Variants in ERAP1 observed in about 807,000 individuals in gnomAD.
ERAP1 encodes endoplasmic reticulum aminopeptidase 1.
A neutral mutation model predicts 103.7 loss-of-function variants in ERAP1; 86 were observed. The ratio of observed to expected loss-of-function variants is 0.83; its 90% CI spans 0.70 to 0.99. ERAP1 has a LOEUF of 0.99. Ranked by LOEUF, ERAP1 falls within the 50% of genes least tolerant of loss-of-function variation. ERAP1 has a pLI of 0.00. For missense variants in ERAP1, 1,009 were observed against 1,128.4 expected (o/e 0.89, Z 1.52); for synonymous variants, 398 against 402.4 (o/e 0.99, Z 0.13).
chr5:96,815,409 T>TA, the ERAP1 span, among the ~76,000 whole-genome samples: 6 of 108,894 alleles, frequency 5.5e-5, no homozygotes, highest in Admixed American at 3.5e-4. Flanking sequence ...TTTGTTTTGT[T>TA]TTTTATTTTT....
chr5:96,765,327 TAAAAAAAA>T (rs59338324), intron 19 of ERAP1: 424 of 511,646 alleles, frequency 8.3e-4, no homozygotes, highest in Admixed American at 2.2e-3. Context: ...AAAGTAAAGG[TAAAAAAAA>T]AAAAAAAAAA....
the ERAP1 span, chr5:96,881,484 A>G: frequency 2.2e-6 from 1 of 456,190 alleles, no homozygotes. Flanking sequence ...CTGGGAGGTA[A>G]GAGGAGTCTG....
chr5:96,801,854 CAAAAAAAAAA>C (rs59332218), intron 2 of ERAP1, among the ~76,000 whole-genome samples: 3 of 54,692 alleles, frequency 5.5e-5, no homozygotes, highest in Non-Finnish European at 8.7e-5. Flanking sequence ...TCCGTCTCGA[CAAAAAAAAAA>C]AAAAAAAAAA....
At chr5:96,869,189 G>A in the ERAP1 span, among the ~76,000 whole-genome samples, 1 of 151,844 alleles carries the variant, frequency 6.6e-6, no homozygotes, top group Non-Finnish European at 1.5e-5. Flanking sequence ...GCTTTGCTCT[G>A]AAGATAGAGT....
the ERAP1 span, among the ~76,000 whole-genome samples, chr5:96,842,297 G>A: frequency 6.6e-6 from 1 of 152,084 alleles, no homozygotes; most frequent in Non-Finnish European, 1.5e-5. Flanking sequence ...TTCTGAATAG[G>A]TACCCAGTAG....
intron 3 of ERAP1, among the ~76,000 whole-genome samples, chr5:96,800,590 C>T (rs1777870937): frequency 6.6e-6 from 1 of 152,146 alleles, no homozygotes; most frequent in African/African-American, 2.4e-5. Flanking sequence ...TTAAACCTGA[C>T]CTGAATTTCT....
At chr5:96,762,417 C>A in exon 20 of ERAP1, 1 of 1,393,322 alleles carries the variant, frequency 7.2e-7, no homozygotes. Flanking sequence ...TTTGCGCAGC[C>A]ACAACTAGAA....
At chr5:96,908,495 A>G in the ERAP1 span, among the ~76,000 whole-genome samples, 2 of 152,188 alleles carry the variant, frequency 1.3e-5, no homozygotes, top group Non-Finnish European at 2.9e-5. Flanking sequence ...TCAAAGAAAA[A>G]CAAGACATGG....
At chr5:96,784,132 A>C (rs771814883) in intron 13 of ERAP1, 52 bp from the exon 14 acceptor site, 2 of 1,575,908 alleles carry the variant, frequency 1.3e-6, no homozygotes, top group Admixed American at 1.7e-5. Flanking sequence ...CGGGAAGTCA[A>C]CTTTTTGCTT....
chr5:96,899,874 T>C, the ERAP1 span, among the ~76,000 whole-genome samples: 1 of 152,212 alleles, frequency 6.6e-6, no homozygotes, highest in South Asian at 2.1e-4. Flanking sequence ...GAACGGTTAA[T>C]GACTTTATTG....
chr5:96,918,763 A>T, the ERAP1 span: 1 of 152,208 alleles, frequency 6.6e-6, no homozygotes, highest in Non-Finnish European at 1.5e-5. Flanking sequence ...AATCTTTTGA[A>T]ATTTGCAGAA....
At chr5:96,833,062 T>C in the ERAP1 span, among the ~76,000 whole-genome samples, 9 of 152,246 alleles carry the variant, frequency 5.9e-5, no homozygotes, top group Non-Finnish European at 1.2e-4. Context: ...TCAGCCATGC[T>C]GATGCCTTAA....
chr5:96,894,061 T>A, the ERAP1 span, among the ~76,000 whole-genome samples: 3 of 152,208 alleles, frequency 2.0e-5, no homozygotes, highest in Non-Finnish European at 4.4e-5. Flanking sequence ...TAGCACCTGC[T>A]TTACTGTATT....
At chr5:96,822,276 T>C in the ERAP1 span, among the ~76,000 whole-genome samples, 1 of 152,214 alleles carries the variant, frequency 6.6e-6, no homozygotes, top group Non-Finnish European at 1.5e-5. Context: ...AATTTGTTTT[T>C]TGTATTGTCG....
At chr5:96,809,302 G>A (rs1779006445), upstream of ERAP1, among the ~76,000 whole-genome samples, 1 of 152,122 alleles carries the variant, frequency 6.6e-6, no homozygotes. Flanking sequence ...AGCCCAGTAG[G>A]TCTCAGCCTT....
chr5:96,805,665 T>A (rs1778521565), intron 1 of ERAP1: 1 of 152,172 alleles, frequency 6.6e-6, no homozygotes, highest in Non-Finnish European at 1.5e-5. Context: ...AGACAGGAAG[T>A]GTGAACAGGG....
At chr5:96,804,344 C>T in intron 1 of ERAP1, 1 of 316,992 alleles carries the variant, frequency 3.2e-6, no homozygotes. Flanking sequence ...GAAGCAAAAC[C>T]AGAACCATAT....
downstream of ERAP1, chr5:96,770,473 G>A (rs1022252651): frequency 9.4e-7 from 1 of 1,058,346 alleles, no homozygotes; most frequent in African/African-American, 1.6e-5. Flanking sequence ...CTGCAGCCTA[G>A]TTAATTGCTA....
At chr5:96,783,352 T>C (rs1040157293) in intron 14 of ERAP1, 117 bp from the exon 15 acceptor site, 10 of 871,462 alleles carry the variant, frequency 1.1e-5, no homozygotes, top group Admixed American at 2.7e-5. Flanking sequence ...ATCTAACTTT[T>C]ACTGTATAAA....
Sources: allele counts gnomAD v4.1 joint callset (sites outside exome capture counted in the v4.1 genomes callset), GRCh38; gene constraint gnomAD v4.1.1; transcripts MANE v1.5; gene names NCBI Gene and HGNC (gene_info 2026-07-23, HGNC 2026-07-21).